Variants in POC5 observed in about 807,000 individuals in gnomAD.
POC5 encodes the protein centrosomal protein POC5.
Under a neutral mutation model 62.9 loss-of-function variants are expected in POC5, and 48 were observed. The ratio of observed to expected loss-of-function variants is 0.76; its 90% CI spans 0.61 to 0.97. The LOEUF is 0.97. Among genes scored for constraint, POC5 ranks in the 50% least tolerant of loss-of-function variants. The pLI is 0.00. For synonymous variants in POC5, 236 were observed against 228.2 expected (o/e 1.03, Z -0.31); for missense variants, 696 against 679.5 (o/e 1.02, Z -0.27).
intron 2 of POC5, chr5:75,712,368 T>C (rs2047059): frequency 0.28 from 446,579 of 1,585,434 alleles, 63,852 homozygotes; most frequent in African/African-American, 0.35. Context: ...CCTCTGTAGT[T>C]AACTGACCCA....
At chr5:75,706,521 C>T (rs964046056) in intron 3 of POC5, among the ~76,000 whole-genome samples, 2 of 151,698 alleles carry the variant, frequency 1.3e-5, no homozygotes, top group African/African-American at 4.8e-5. Context: ...GTCTTAAATC[C>T]CAGATGATTA....
At chr5:75,695,880 C>T (rs572243170) in intron 5 of POC5, among the ~76,000 whole-genome samples, 2 of 152,216 alleles carry the variant, frequency 1.3e-5, no homozygotes, top group South Asian at 2.1e-4. Flanking sequence ...TGAAGCAGGG[C>T]GAGGCATTGC....
intron 4 of POC5, among the ~76,000 whole-genome samples, chr5:75,704,420 T>C (rs1580053780): frequency 2.0e-5 from 3 of 152,200 alleles, no homozygotes; most frequent in Non-Finnish European, 4.4e-5. Context: ...TGTAAAGACT[T>C]CTTTGCAAAA....
rs775870642 is a variant in POC5, at chr5:75,694,637, A to T, written c.690+18T>A. 6.8e-7 allele frequency: 1 copy of T among 1,461,450 alleles called. No homozygotes were observed. The highest frequency in any genetic ancestry group is 2.7e-5 in the Admixed American group (1 of 36,482). 90.5% of individuals were successfully genotyped at this position (1,461,450 alleles called of 1,614,324 possible). A position where few individuals can be genotyped will look rare whatever the true frequency, so the allele number is the denominator to read the frequency against. On this transcript the variant is annotated intron_variant, in intron 6 of 11. Transcript: ENST00000428202. ...CATTTACTGAATCTCAGTTAAAAAGAAATATAAAAAAGAAGACCTCATCTT... is the reference window on the plus strand; with the variant it reads ...CATTTACTGAATCTCAGTTAAAAAGTAATATAAAAAAGAAGACCTCATCTT...
intron 5 of POC5, among the ~76,000 whole-genome samples, chr5:75,699,002 C>T (rs1052210463): frequency 6.6e-6 from 1 of 151,992 alleles, no homozygotes; most frequent in Non-Finnish European, 1.5e-5. Flanking sequence ...CATACACTCT[C>T]CCAAGACTAA....
intron 10 of POC5, among the ~76,000 whole-genome samples, chr5:75,683,982 G>A (rs1271871233): frequency 6.6e-6 from 1 of 152,166 alleles, no homozygotes; most frequent in Non-Finnish European, 1.5e-5. Flanking sequence ...GGGATTACAG[G>A]TGTGAGCCAA....
intron 2 of POC5, among the ~76,000 whole-genome samples, chr5:75,710,414 T>A (rs967874221): frequency 2.0e-5 from 3 of 152,274 alleles, no homozygotes; most frequent in African/African-American, 7.2e-5. Flanking sequence ...TATTTGGAGA[T>A]GAGGCCTTCA....
intron 4 of POC5, among the ~76,000 whole-genome samples, chr5:75,703,708 G>A (rs1476232820): frequency 6.6e-6 from 1 of 152,144 alleles, no homozygotes; most frequent in Non-Finnish European, 1.5e-5. Flanking sequence ...CAGATACTCT[G>A]TTGTTAAGTA....
intron 1 of POC5, among the ~76,000 whole-genome samples, chr5:75,716,022 A>T (rs1467481685): frequency 6.6e-6 from 1 of 152,016 alleles, no homozygotes; most frequent in Non-Finnish European, 1.5e-5. Context: ...AAAGTAAAAC[A>T]ATTACAGGTC....
At chr5:75,707,926 ATATAT>A in intron 2 of POC5, 51 bp from the exon 3 acceptor site, 1 of 1,443,402 alleles carries the variant, frequency 6.9e-7, no homozygotes, top group South Asian at 1.3e-5. Context: ...CAATGTTATA[ATATAT>A]TCAACTGAAT....
At chr5:75,697,590 A>G (rs1418076975) in intron 5 of POC5, among the ~76,000 whole-genome samples, 2 of 152,216 alleles carry the variant, frequency 1.3e-5, no homozygotes, top group African/African-American at 4.8e-5. Flanking sequence ...GGTAACACCC[A>G]CTGCAAAAAC....
At chr5:75,691,754 T>C (rs1215351910) in intron 7 of POC5, among the ~76,000 whole-genome samples, 1 of 152,186 alleles carries the variant, frequency 6.6e-6, no homozygotes, top group Non-Finnish European at 1.5e-5. Flanking sequence ...CTCTAAACTA[T>C]GTCTTGTTGT....
Position 75,689,040 on chromosome 5 carries a change from C to T in POC5, c.1101G>A (p.Met367Ile). Residue 367 changes from methionine to isoleucine, a missense_variant, in exon 9 of 12, where the codon ATG (methionine) becomes ATA (isoleucine). By Grantham distance (10) the Met-to-Ile change is conservative (BLOSUM62 1). Coordinates refer to ENST00000428202, the MANE Select transcript of POC5 (RefSeq NM_001099271.2). ...RGVCALNLEA[M>I]TIFQNRNDAG... ...CATCATTTCTGTTTTGAAATATAGT[C>T]ATGGCTTCAAGATTTAATGCACATA... The T allele has an allele frequency of 6.3e-7, 1 of 1,588,116 alleles. No homozygotes were observed. The highest frequency in any genetic ancestry group is 8.6e-7 in the Non-Finnish European group (1 of 1,168,810).
intron 5 of POC5, among the ~76,000 whole-genome samples, chr5:75,696,838 A>C (rs1212053668): frequency 6.6e-6 from 1 of 151,648 alleles, no homozygotes; most frequent in Non-Finnish European, 1.5e-5. Context: ...AACTAGAATA[A>C]CCAATACAGA....
chr5:75,699,977 A>G (rs2038091231), intron 5 of POC5, among the ~76,000 whole-genome samples: 1 of 152,042 alleles, frequency 6.6e-6, no homozygotes. Flanking sequence ...AATTGCTTCA[A>G]AGAGAATAAA....
rs1183172847 is a variant in POC5 at position 75,682,068 on chromosome 5, CTTATGT to C, written c.1407+3133_1407+3138del. Among the ~76,000 whole-genome samples, 18 of 152,358 alleles carry C rather than the reference CTTATGT, an allele frequency of 1.2e-4. No homozygotes were observed. In the East Asian group the frequency reaches 3.3e-3, roughly 28 times the overall value. On this transcript the variant is annotated intron_variant, in intron 10 of 11. Transcript: ENST00000428202. ...TCTCCCTGGCCCTAAAGGCCACTTA[CTTATGT>C]GACTGAAATGGAGTGTGTATCTGTT...
chr5:75,675,170 A>G (rs1775603537), intron 11 of POC5, among the ~76,000 whole-genome samples: 1 of 152,240 alleles, frequency 6.6e-6, no homozygotes. Context: ...GAGTCATTAA[A>G]GTCAGGACAC....
chr5:75,709,024 G>A (rs1777236068), intron 2 of POC5, among the ~76,000 whole-genome samples: 1 of 152,020 alleles, frequency 6.6e-6, no homozygotes, highest in African/African-American at 2.4e-5. Flanking sequence ...GTAGAGATGG[G>A]GTTTCACCAT....
chr5:75,703,809 A>C lies in POC5; in HGVS notation c.308-999T>G, dbSNP rs1366351200. 3.9e-5 allele frequency among the ~76,000 whole-genome samples: 6 copies of C among 152,122 alleles called. No homozygotes were observed. In the East Asian group the frequency reaches 1.2e-3, roughly 30 times the overall value. ...AAACGCTCATCCCCTGCCCATATCC[A>C]GGGAGGTGGGGGAGAGTCAGGGCCC... is the stretch of plus-strand genomic sequence containing the variant. On this transcript the variant is annotated intron_variant, in intron 4 of 11. Coordinates refer to ENST00000428202, the MANE Select transcript of POC5 (RefSeq NM_001099271.2).
Sources: allele counts gnomAD v4.1 joint callset (sites outside exome capture counted in the v4.1 genomes callset), GRCh38; gene constraint gnomAD v4.1.1; transcripts MANE v1.5; gene names NCBI Gene and HGNC (gene_info 2026-07-23, HGNC 2026-07-21).